Variants in CCDC6 observed in about 807,000 individuals in gnomAD.
The protein encoded by CCDC6 is coiled-coil domain containing 6.
Under a neutral mutation model 56.6 loss-of-function variants are expected in CCDC6, and 20 were observed. That is an observed-to-expected ratio of 0.35 (90% CI 0.25 to 0.51). The LOEUF (loss-of-function observed/expected upper bound fraction) is 0.51. CCDC6 is among the 20% of genes least tolerant of loss of function. CCDC6 has a pLI of 0.95. For synonymous variants in CCDC6, 241 were observed against 234.4 expected (o/e 1.03, Z -0.26); for missense variants, 367 against 601.1 (o/e 0.61, Z 4.07).
intron 1 of CCDC6, among the ~76,000 whole-genome samples, chr10:59,903,434 G>A (rs146877661): frequency 7.0e-4 from 107 of 152,220 alleles, no homozygotes; most frequent in African/African-American, 2.2e-3. Context: ...TCAGTGTTAC[G>A]TGAAGATAAA....
chr10:59,841,888 C>T lies in CCDC6; in HGVS notation c.454-9235G>A, dbSNP rs148550879. ...TTCACCACGTTAGCCAGGACGGTCT[C>T]GATCTCCTGACCTCATGATCCGCCA... On this transcript the variant is annotated intron_variant, in intron 2 of 8. Coordinates refer to ENST00000263102, the MANE Select transcript of CCDC6 (RefSeq NM_005436.5). 8.0e-3 allele frequency among the ~76,000 whole-genome samples: 1,212 copies of T among 151,784 alleles called. 11 individuals are homozygous for T. The highest frequency in any genetic ancestry group is 0.027 in the African/African-American group (1,133 of 41,386).
At chr10:59,845,737 T>C (rs1489436773) in intron 2 of CCDC6, among the ~76,000 whole-genome samples, 1 of 152,174 alleles carries the variant, frequency 6.6e-6, no homozygotes, top group East Asian at 1.9e-4. Context: ...AGCTATTTTG[T>C]GATAGCAAAT....
chr10:59,905,393 G>A (rs1292170004), intron 1 of CCDC6, among the ~76,000 whole-genome samples: 1 of 152,178 alleles, frequency 6.6e-6, no homozygotes, highest in Non-Finnish European at 1.5e-5. Context: ...ACGTACCTCT[G>A]GCTCAGCCAG....
chr10:59,822,220 G>C (rs765247973), intron 3 of CCDC6, among the ~76,000 whole-genome samples: 7 of 151,920 alleles, frequency 4.6e-5, no homozygotes, highest in Non-Finnish European at 7.4e-5. Flanking sequence ...CATAATTTCA[G>C]GACAACATTA....
chr10:59,794,493 C>T lies in CCDC6; in HGVS notation c.1210G>A (p.Gly404Arg). 1 of 1,614,084 alleles carries T rather than the reference C, an allele frequency of 6.2e-7. No homozygotes were observed. Among genetic ancestry groups the T allele is most frequent in the Non-Finnish European group, 8.5e-7 (1 of 1,179,986 alleles). Residue 404 changes from glycine to arginine, a missense_variant, in exon 8 of 9, where the codon GGA becomes AGA. Gly to Arg is a moderately radical substitution (Grantham distance 125, BLOSUM62 -2). Around this residue, in one of 7 missense-constraint regions of CCDC6, gnomAD observed 79 missense variants for 83.9 expected, o/e 0.94. Coordinates refer to ENST00000263102, the MANE Select transcript of CCDC6 (RefSeq NM_005436.5). The part of the protein sequence containing the change: ...NSPGLHVQHM[G>R]TSHGITRPSP... Reference sequence around the variant, plus strand: ...CTTACTGTGATACCATGGGATGTTCCCATGTGCTGCACGTGAAGACCCGGG... The same window carrying T: ...CTTACTGTGATACCATGGGATGTTCTCATGTGCTGCACGTGAAGACCCGGG...
At position 59,789,699 on chromosome 10, in the gene CCDC6, T is replaced by A. The variant is rs1350376791; in HGVS notation, c.*3218A>T. The stretch of plus-strand genomic sequence containing the variant: ...GAAGATCAAGTTACACAGAAATATT[T>A]CTTCTGTACTGATAAGATACAAATA... On this transcript the variant is annotated 3_prime_UTR_variant, in exon 9 of 9. Transcript: ENST00000263102. The A allele has an allele frequency of 4.5e-6, 1 of 222,888 alleles. No individual in the cohort carries two copies. Among genetic ancestry groups the A allele is most frequent in the Non-Finnish European group, 9.0e-6 (1 of 111,430 alleles). The allele number at this position is 222,888 out of a possible 1,614,324, so 13.8% of individuals were successfully genotyped here. A position where few individuals can be genotyped will look rare whatever the true frequency, so the allele number is the denominator to read the frequency against.
chr10:59,861,699 C>T (rs895838231), intron 1 of CCDC6, among the ~76,000 whole-genome samples: 3 of 152,096 alleles, frequency 2.0e-5, no homozygotes, highest in Admixed American at 6.6e-5. Flanking sequence ...CTTCAATGGG[C>T]TCATTAGTAG....
intron 1 of CCDC6, among the ~76,000 whole-genome samples, chr10:59,868,814 G>A (rs866055886): frequency 2.6e-5 from 4 of 152,208 alleles, no homozygotes; most frequent in Non-Finnish European, 2.9e-5. Context: ...CACTTCACAC[G>A]TGTGGTTACA....
chr10:59,832,783 G>A, intron 2 of CCDC6, 130 bp from the exon 3 acceptor site: 1 of 879,598 alleles, frequency 1.1e-6, no homozygotes, highest in Non-Finnish European at 1.7e-6. Context: ...GCTCAAATGT[G>A]CAAGTATATA....
intron 7 of CCDC6, among the ~76,000 whole-genome samples, chr10:59,799,639 C>A (rs1013589633): frequency 7.9e-5 from 12 of 152,284 alleles, no homozygotes; most frequent in Admixed American, 2.0e-4. Flanking sequence ...TTCAGACCTC[C>A]ATGCCTCTGT....
chr10:59,876,806 T>C (rs911204100), intron 1 of CCDC6, among the ~76,000 whole-genome samples: 6 of 152,208 alleles, frequency 3.9e-5, no homozygotes, highest in Non-Finnish European at 5.9e-5. Flanking sequence ...ACAATTGTAT[T>C]TCATTACATT....
chr10:59,828,104 A>G (rs1173532259), intron 3 of CCDC6, among the ~76,000 whole-genome samples: 2 of 152,228 alleles, frequency 1.3e-5, no homozygotes, highest in Non-Finnish European at 2.9e-5. Context: ...GGCAGAACAT[A>G]TTATTCAGAA....
chr10:59,801,515 C>T (rs1040061275), intron 7 of CCDC6, among the ~76,000 whole-genome samples: 1 of 152,146 alleles, frequency 6.6e-6, no homozygotes, highest in Non-Finnish European at 1.5e-5. Flanking sequence ...TTTCTTTCCA[C>T]TTTTCTGGTA....
chr10:59,861,432 C>CAAAAAAAAAAAAAAAAAAAAAAAAACAA (rs55716341), intron 1 of CCDC6, among the ~76,000 whole-genome samples: 1 of 88,970 alleles, frequency 1.1e-5, no homozygotes, highest in African/African-American at 4.1e-5. Context: ...CAAAAATTAC[C>CAAAAAAAAAAAAAAAAAAAAAAAAACAA]AAAAAAAAAA....
chr10:59,847,363 T>TC (rs1344224912), intron 2 of CCDC6, among the ~76,000 whole-genome samples: 1 of 151,902 alleles, frequency 6.6e-6, no homozygotes, highest in Non-Finnish European at 1.5e-5. Context: ...TAGAAATTTT[T>TC]TTTTAAATGA....
In CCDC6 at chr10:59,868,152, T is replaced by C. The variant is rs1415560482; in HGVS notation, c.304-15450A>G. On this transcript the variant is annotated intron_variant, in intron 1 of 8. Coordinates refer to ENST00000263102, the MANE Select transcript of CCDC6 (RefSeq NM_005436.5). ...TGGCAAAATAAACTTTCTAAATTGA[T>C]TGAGACCTGCTTCAGATACTTTTGA... Among the ~76,000 whole-genome samples, 5 of 152,144 alleles carry C rather than the reference T, an allele frequency of 3.3e-5. No homozygotes were observed. The East Asian group carries it at 9.6e-4, about 29-fold the overall frequency.
intron 3 of CCDC6, among the ~76,000 whole-genome samples, chr10:59,816,491 G>A (rs943465356): frequency 4.6e-5 from 7 of 152,164 alleles, no homozygotes; most frequent in African/African-American, 1.7e-4. Flanking sequence ...TAGACTTTGA[G>A]CCAAATGCCT....
intron 2 of CCDC6, among the ~76,000 whole-genome samples, chr10:59,839,849 C>A (rs769709091): frequency 6.6e-6 from 1 of 152,124 alleles, no homozygotes; most frequent in Non-Finnish European, 1.5e-5. Context: ...TATTTTGAGA[C>A]AGAGTCTCAC....
At chr10:59,807,329 A>G (rs1279690021) in intron 5 of CCDC6, among the ~76,000 whole-genome samples, 1 of 152,088 alleles carries the variant, frequency 6.6e-6, no homozygotes, top group Non-Finnish European at 1.5e-5. Context: ...TACTAAAAAT[A>G]CAAACATTAG....
Sources: gnomAD v4.1 joint callset for allele counts (sites outside exome capture counted in the v4.1 genomes callset) on GRCh38, gnomAD v4.1.1 for gene constraint, gnomAD v4.1.1 regional missense constraint, MANE v1.5 for transcripts, NCBI Gene and HGNC (gene_info 2026-07-23, HGNC 2026-07-21) for gene names.